Variants in MICU2 observed in about 807,000 individuals in gnomAD.
MICU2 encodes the protein calcium uptake protein 2, mitochondrial.
Under a neutral mutation model 60.4 loss-of-function variants are expected in MICU2, and 64 were observed. The ratio of observed to expected loss-of-function variants is 1.06; its 90% confidence interval spans 0.87 to 1.31. The LOEUF (loss-of-function observed/expected upper bound fraction) is 1.31, where lower values mean the gene tolerates loss of function less well. Among genes scored for constraint, MICU2 ranks in the 50% most tolerant of loss-of-function variants. MICU2 has a pLI of 0.00. For synonymous variants in MICU2, 201 were observed against 175.0 expected (o/e 1.15, Z -1.17); for missense variants, 569 against 531.0 (o/e 1.07, Z -0.70).
chr13:21,587,319 T>C (rs1273876288), intron 1 of MICU2, among the ~76,000 whole-genome samples: 4 of 152,216 alleles, frequency 2.6e-5, no homozygotes, highest in Non-Finnish European at 5.9e-5. Context: ...AAAATACTTA[T>C]TAATGAGTAT....
chr13:21,559,227 A>G (rs1367474288), intron 2 of MICU2, among the ~76,000 whole-genome samples: 1 of 152,194 alleles, frequency 6.6e-6, no homozygotes, highest in Non-Finnish European at 1.5e-5. Context: ...GCCATGATGA[A>G]AGTCGACCAT....
At chr13:21,601,481 G>A (rs1253206538) in intron 1 of MICU2, among the ~76,000 whole-genome samples, 1 of 152,204 alleles carries the variant, frequency 6.6e-6, no homozygotes, top group Non-Finnish European at 1.5e-5. Flanking sequence ...ATAATAAAAT[G>A]GTTTCTGTAT....
chr13:21,542,275 G>A (rs988447694), intron 2 of MICU2, among the ~76,000 whole-genome samples: 6 of 152,314 alleles, frequency 3.9e-5, no homozygotes, highest in Admixed American at 2.0e-4. Context: ...CTGCACAGCA[G>A]GAGCCATGAC....
At chr13:21,574,634 G>A (rs1593352108) in intron 1 of MICU2, among the ~76,000 whole-genome samples, 1 of 152,192 alleles carries the variant, frequency 6.6e-6, no homozygotes, top group Admixed American at 6.5e-5. Flanking sequence ...TTCTCAGGAA[G>A]AAAGTGGGAA....
rs1887220796 is a variant in MICU2, at chr13:21,539,389, C to T, written c.391-12G>A. ...GTATCCTCGATGTCCTTTGAATACA[C>T]ATATTAAAATTAAACTTCTAAAAGT... On this transcript the variant is annotated splice_polypyrimidine_tract_variant and intron_variant, in intron 3 of 11. Coordinates refer to ENST00000382374, the MANE Select transcript of MICU2 (RefSeq NM_152726.3). The T allele has an allele frequency of 6.2e-7, 1 of 1,607,882 alleles. No homozygotes were observed. The highest frequency in any genetic ancestry group is 1.1e-5 in the South Asian group (1 of 89,568).
intron 4 of MICU2, chr13:21,531,473 G>C: frequency 1.6e-6 from 1 of 611,592 alleles, no homozygotes; most frequent in Non-Finnish European, 2.9e-6. Context: ...GATGCTCCTT[G>C]GGTGCTGCTG....
At chr13:21,597,177 T>C (rs910744657) in intron 1 of MICU2, among the ~76,000 whole-genome samples, 1 of 152,218 alleles carries the variant, frequency 6.6e-6, no homozygotes, top group African/African-American at 2.4e-5. Context: ...GAGACAAAGG[T>C]ATATCTATTA....
chr13:21,603,899 G>C, intron 1 of MICU2, 40 bp downstream of exon 1: 1 of 1,602,390 alleles, frequency 6.2e-7, no homozygotes, highest in Non-Finnish European at 8.5e-7. Context: ...AGGGGAGGGA[G>C]GAGCTTGACT....
chr13:21,540,681 G>A (rs1201055965), intron 2 of MICU2, among the ~76,000 whole-genome samples: 2 of 152,108 alleles, frequency 1.3e-5, no homozygotes. Context: ...CTATGACTAT[G>A]TTTGTAAGCT....
chr13:21,517,790 C>G (rs994825516), intron 6 of MICU2, among the ~76,000 whole-genome samples: 1,396 of 98,798 alleles, frequency 0.014, 21 homozygotes, highest in Non-Finnish European at 0.024. Flanking sequence ...CACACACACA[C>G]ACACACACAC....
intron 1 of MICU2, among the ~76,000 whole-genome samples, chr13:21,589,261 T>C (rs943349833): frequency 6.6e-6 from 1 of 152,184 alleles, no homozygotes; most frequent in Non-Finnish European, 1.5e-5. Context: ...TGGAAAGGAA[T>C]AATAGCCTCA....
At position 21,522,614 on chromosome 13, in the gene MICU2, G is replaced by T; in HGVS notation, c.503C>A (p.Thr168Lys). 1 of 1,602,840 alleles carries T rather than the reference G, an allele frequency of 6.2e-7. No individual in the cohort carries two copies. The highest frequency in any genetic ancestry group is 8.5e-7 in the Non-Finnish European group (1 of 1,174,414). ...ISYTEYLFLLTILTKPHSGFH... is the reference protein window; with the variant it reads ...ISYTEYLFLLKILTKPHSGFH... ...TGTGGGATACTTACTAGTGAGGATTGTAAGCAAGAAAAGATACTCGGTATA... is the reference window on the plus strand; with the variant it reads ...TGTGGGATACTTACTAGTGAGGATTTTAAGCAAGAAAAGATACTCGGTATA... The change falls in exon 5 of 12, where the codon ACA becomes AAA. Residue 168 changes from threonine to lysine, a missense_variant. By Grantham distance (78) the Thr-to-Lys change is moderately conservative. Transcript: ENST00000382374.
intron 2 of MICU2, among the ~76,000 whole-genome samples, chr13:21,552,611 G>T (rs573607315): frequency 5.9e-5 from 9 of 152,186 alleles, no homozygotes; most frequent in South Asian, 2.1e-4. Context: ...TTTGTATGAG[G>T]TGTAAGGAAG....
At chr13:21,590,116 G>C (rs1888548026) in intron 1 of MICU2, among the ~76,000 whole-genome samples, 1 of 152,126 alleles carries the variant, frequency 6.6e-6, no homozygotes. Context: ...TCCATGAGAA[G>C]ATCAACCAAC....
rs560497782 is a variant in MICU2, at chr13:21,565,758, G to A, written c.358+1039C>T. 4.6e-5 allele frequency among the ~76,000 whole-genome samples: 7 copies of A among 151,952 alleles called. No individual in the cohort carries two copies. In the East Asian group the frequency reaches 5.8e-4, roughly 13 times the overall value. Reference sequence around the variant, plus strand: ...TGAGGCAGGAGAATTGCTTGAACCCGGGAGGCGGAGGTTGCAGTGAGCTGA... The same window carrying A: ...TGAGGCAGGAGAATTGCTTGAACCCAGGAGGCGGAGGTTGCAGTGAGCTGA... On this transcript the variant is annotated intron_variant, in intron 2 of 11. Coordinates refer to ENST00000382374, the MANE Select transcript of MICU2 (RefSeq NM_152726.3).
chr13:21,558,655 G>A (rs1275820519), intron 2 of MICU2, among the ~76,000 whole-genome samples: 2 of 152,136 alleles, frequency 1.3e-5, no homozygotes, highest in African/African-American at 2.4e-5. Context: ...TTTGTGGGCT[G>A]GGGTTCTGGG....
intron 3 of MICU2, 117 bp from the exon 4 acceptor site, chr13:21,539,494 G>T (rs923384727): frequency 1.5e-6 from 2 of 1,292,018 alleles, no homozygotes; most frequent in East Asian, 2.4e-5. Context: ...GTAGACACAG[G>T]GCTTCACTGT....
At chr13:21,583,841 C>T (rs901076144) in intron 1 of MICU2, among the ~76,000 whole-genome samples, 2 of 152,132 alleles carry the variant, frequency 1.3e-5, no homozygotes, top group African/African-American at 4.8e-5. Context: ...CCAAGTTAAA[C>T]TGAAAAAGTT....
intron 9 of MICU2, among the ~76,000 whole-genome samples, chr13:21,497,296 C>T (rs554636365): frequency 5.9e-5 from 9 of 151,816 alleles, no homozygotes; most frequent in Non-Finnish European, 8.8e-5. Context: ...ACCCGTGAGG[C>T]GGAGGCTACA....
Sources: allele counts gnomAD v4.1 joint callset (sites outside exome capture counted in the v4.1 genomes callset), GRCh38; gene constraint gnomAD v4.1.1; transcripts MANE v1.5; gene names NCBI Gene and HGNC (gene_info 2026-07-23, HGNC 2026-07-21).